The following MYO3B variants were observed in gnomAD, a reference collection of about 807,000 sequenced individuals.
MYO3B encodes myosin IIIB, also known as myosin-IIIb.
MYO3B carries 156 observed loss-of-function variants against 174.6 expected under a neutral mutation model. That is an observed-to-expected ratio of 0.89 (90% confidence interval 0.78 to 1.02). The LOEUF is 1.02. MYO3B is among the 50% of genes least tolerant of loss of function. MYO3B has a pLI of 0.00. For synonymous variants in MYO3B, 563 were observed against 569.1 expected (o/e 0.99, Z 0.15); for missense variants, 1,632 against 1,639.4 (o/e 1.00, Z 0.08).
At chr2:170,598,061 G>A (rs530126624) in intron 32 of MYO3B, among the ~76,000 whole-genome samples, 5 of 152,258 alleles carry the variant, frequency 3.3e-5, no homozygotes, top group African/African-American at 7.2e-5. Context: ...TTTTGGCAAC[G>A]AACAGATCCC....
chr2:170,639,658 C>T (rs1697806329), intron 32 of MYO3B, among the ~76,000 whole-genome samples: 1 of 152,196 alleles, frequency 6.6e-6, no homozygotes, highest in East Asian at 1.9e-4. Context: ...TAAACATTTT[C>T]CCCTGGATCC....
At chr2:170,439,105 G>A (rs1448635572) in intron 22 of MYO3B, among the ~76,000 whole-genome samples, 1 of 146,894 alleles carries the variant, frequency 6.8e-6, no homozygotes, top group Non-Finnish European at 1.5e-5. Context: ...AGGCATGATG[G>A]CTCACACCTG....
chr2:170,477,308 G>A (rs1244558163), intron 25 of MYO3B, among the ~76,000 whole-genome samples: 1 of 152,092 alleles, frequency 6.6e-6, no homozygotes, highest in Non-Finnish European at 1.5e-5. Flanking sequence ...CCTGGACTCT[G>A]CCAAACTAGT....
intron 32 of MYO3B, among the ~76,000 whole-genome samples, chr2:170,613,416 T>G (rs972051434): frequency 5.3e-5 from 8 of 152,158 alleles, no homozygotes; most frequent in Admixed American, 5.2e-4. Context: ...GCATCCAAGC[T>G]CCACATTAAT....
intron 1 of MYO3B, among the ~76,000 whole-genome samples, chr2:170,181,166 G>C (rs941266829): frequency 2.0e-5 from 3 of 151,872 alleles, no homozygotes; most frequent in Non-Finnish European, 4.4e-5. Context: ...TTTTATATGT[G>C]GTGTAAGGAT....
chr2:170,205,433 CT>C (rs1294468401), intron 3 of MYO3B, among the ~76,000 whole-genome samples: 2 of 152,130 alleles, frequency 1.3e-5, no homozygotes, highest in East Asian at 3.8e-4. Context: ...TAATAGCATG[CT>C]TGCAATGCAA....
chr2:170,413,582 G>T (rs1364181438), intron 22 of MYO3B, among the ~76,000 whole-genome samples: 3 of 152,168 alleles, frequency 2.0e-5, no homozygotes, highest in Non-Finnish European at 4.4e-5. Context: ...CCACGGTGTT[G>T]TGTGTATATC....
chr2:170,573,247 A>ATATATATG, intron 32 of MYO3B, among the ~76,000 whole-genome samples: 1 of 149,916 alleles, frequency 6.7e-6, no homozygotes, highest in Non-Finnish European at 1.5e-5. Context: ...ATATATATAT[A>ATATATATG]TATGTATGCT....
At chr2:170,339,156 G>A (rs747926679) in intron 8 of MYO3B, among the ~76,000 whole-genome samples, 1 of 152,148 alleles carries the variant, frequency 6.6e-6, no homozygotes, top group Non-Finnish European at 1.5e-5. Flanking sequence ...CAGATTATAA[G>A]CTTTTCATTA....
chr2:170,567,976 G>T (rs1692179660), intron 32 of MYO3B, among the ~76,000 whole-genome samples: 1 of 152,182 alleles, frequency 6.6e-6, no homozygotes, highest in African/African-American at 2.4e-5. Flanking sequence ...AAGGTGCCAA[G>T]GTGCACTGAT....
intron 11 of MYO3B, 150 bp downstream of exon 11, chr2:170,383,339 T>G (rs2094349762): frequency 1.6e-6 from 1 of 614,020 alleles, no homozygotes; most frequent in African/African-American, 1.8e-5. Context: ...CAAATGGAAT[T>G]TTTACATCTT....
intron 32 of MYO3B, among the ~76,000 whole-genome samples, chr2:170,622,782 C>G (rs1696046561): frequency 1.6e-5 from 1 of 62,928 alleles, no homozygotes; most frequent in African/African-American, 4.1e-5. Flanking sequence ...TCCTGGTGTT[C>G]TCATTGTTCA....
intron 22 of MYO3B, among the ~76,000 whole-genome samples, chr2:170,424,603 C>T (rs754446851): frequency 6.0e-5 from 9 of 151,230 alleles, no homozygotes; most frequent in African/African-American, 9.7e-5. Flanking sequence ...AGGAAGACTC[C>T]GCCTCAAAAA....
chr2:170,403,542 CT>C (rs974417750), intron 19 of MYO3B, among the ~76,000 whole-genome samples: 1 of 152,164 alleles, frequency 6.6e-6, no homozygotes, highest in Non-Finnish European at 1.5e-5. Flanking sequence ...GGCTCTTTTC[CT>C]GTGGCAGCAG....
chr2:170,517,042 C>T (rs1012838557), intron 29 of MYO3B, among the ~76,000 whole-genome samples: 7 of 152,138 alleles, frequency 4.6e-5, no homozygotes, highest in African/African-American at 1.4e-4. Flanking sequence ...CAACTGTCAC[C>T]AGCTCATACT....
chr2:170,421,860 GTTTTAA>G (rs2094618045), intron 22 of MYO3B, among the ~76,000 whole-genome samples: 1 of 152,162 alleles, frequency 6.6e-6, no homozygotes, highest in Non-Finnish European at 1.5e-5. Flanking sequence ...ATGTTTTTAG[GTTTTAA>G]TTTGTACTCT....
At position 170,260,873 on chromosome 2, in the gene MYO3B, G is replaced by A. The variant is rs140299091; in HGVS notation, c.749+24737G>A. Among the ~76,000 whole-genome samples, 45 of 152,306 alleles carry A rather than the reference G, an allele frequency of 3.0e-4. No individual in the cohort carries two copies. The East Asian group carries it at 8.1e-3, about 27-fold the overall frequency. On this transcript the variant is annotated intron_variant, in intron 7 of 34. Transcript: ENST00000408978. ...TGGGTTATGTGTGATATATTTCATA[G>A]TAAGAAGAGAGGGGAAACAAAAACA...
At chr2:170,344,988 G>A (rs962602845) in intron 8 of MYO3B, 4 of 152,252 alleles carry the variant, frequency 2.6e-5, no homozygotes, top group African/African-American at 7.2e-5. Flanking sequence ...GTGTGGCCAT[G>A]TTGACACCTT....
intron 8 of MYO3B, chr2:170,351,072 G>GGAGA (rs2094063544): frequency 6.6e-6 from 1 of 152,060 alleles, no homozygotes; most frequent in Admixed American, 6.5e-5. Context: ...AGGGAGGGAG[G>GGAGA]AAGGCAGGAA....
Sources: allele counts gnomAD v4.1 joint callset (sites outside exome capture counted in the v4.1 genomes callset), GRCh38; gene constraint gnomAD v4.1.1; transcripts MANE v1.5; gene names NCBI Gene and HGNC (gene_info 2026-07-23, HGNC 2026-07-21).